Variants in ZNF469 observed in about 807,000 individuals in gnomAD.
The protein encoded by ZNF469 is zinc finger protein 469.
A neutral mutation model predicts 1.0 loss-of-function variants in ZNF469; 1 was observed. The ratio of observed to expected loss-of-function variants is 1.00; its 90% CI spans 0.35 to 4.73. ZNF469 has a LOEUF of 4.73. ZNF469 is among the 30% of genes most tolerant of loss of function. The pLI is 0.16. For synonymous variants in ZNF469, 2,703 were observed against 2,363.4 expected (o/e 1.14, Z -4.17); for missense variants, 6,100 against 5,356.3 (o/e 1.14, Z -4.33).
chr16:88,201,066 C>A, the ZNF469 span, among the ~76,000 whole-genome samples: 2 of 152,204 alleles, frequency 1.3e-5, no homozygotes, highest in Non-Finnish European at 2.9e-5. This position sits in a 1 kb window ranked among gnomAD's most constrained non-coding sequence, Gnocchi z 5.0. Flanking sequence ...CTCTGTGCCC[C>A]GGGGATCCTC....
intron 1 of ZNF469, among the ~76,000 whole-genome samples, chr16:88,407,303 T>C (rs563243638): frequency 6.6e-6 from 1 of 152,240 alleles, no homozygotes; most frequent in Admixed American, 6.5e-5. Flanking sequence ...CGCCAGCACC[T>C]GCGTGCAGCT....
the ZNF469 span, among the ~76,000 whole-genome samples, chr16:88,367,616 C>A: frequency 2.2e-3 from 330 of 152,280 alleles, no homozygotes; most frequent in Non-Finnish European, 3.9e-3. Flanking sequence ...GCGACCATGA[C>A]CACAAAAAGG....
the ZNF469 span, among the ~76,000 whole-genome samples, chr16:88,233,557 A>G: frequency 5.0e-3 from 767 of 152,332 alleles, 3 homozygotes; most frequent in Non-Finnish European, 8.2e-3. Context: ...AAGGCGCCCA[A>G]ATGTATAGCA....
At chr16:88,326,670 G>A in the ZNF469 span, among the ~76,000 whole-genome samples, 1 of 152,120 alleles carries the variant, frequency 6.6e-6, no homozygotes. Flanking sequence ...TGGAGGCCTC[G>A]GGTTTGGGGT....
At chr16:88,367,216 A>C in the ZNF469 span, among the ~76,000 whole-genome samples, 1 of 152,238 alleles carries the variant, frequency 6.6e-6, no homozygotes, top group Non-Finnish European at 1.5e-5. Flanking sequence ...TCTTAGTTTT[A>C]ACAATAGCAA....
At chr16:88,190,500 G>A in the ZNF469 span, among the ~76,000 whole-genome samples, 1 of 152,240 alleles carries the variant, frequency 6.6e-6, no homozygotes, top group Non-Finnish European at 1.5e-5. Context: ...GAAGGAGAGG[G>A]AGAAGAGCAT....
chr16:88,247,175 T>C, the ZNF469 span, among the ~76,000 whole-genome samples: 1 of 149,764 alleles, frequency 6.7e-6, no homozygotes, highest in Non-Finnish European at 1.5e-5. Flanking sequence ...AATGACTGAG[T>C]GAATGAGTGA....
Position 88,424,368 on chromosome 16 carries a change from C to T in ZNF469, c.-191-439C>T, listed in dbSNP as rs1215776122. On this transcript the variant is annotated intron_variant, in intron 1 of 2. Transcript: ENST00000565624. The surrounding 1 kb of genome is among the most constrained non-coding windows in gnomAD (Gnocchi z 4.3). ...GTGTGTTCCTGTGTGCTGGTGTTTG[C>T]ATCCAGGGACTCTGGGAGGAAACAC... 6.6e-6 allele frequency among the ~76,000 whole-genome samples: 1 copy of T among 152,184 alleles called. No homozygotes were observed. Among genetic ancestry groups the T allele is most frequent in the East Asian group, 1.9e-4 (1 of 5,196 alleles).
chr16:88,435,688 C>T lies in ZNF469; in HGVS notation c.8218C>T (p.Leu2740=), dbSNP rs1249743596. The change falls in exon 3 of 3, where the codon CTG becomes TTG. Residue 2740 remains leucine (L), a synonymous_variant. Coordinates refer to ENST00000565624, the MANE Select transcript of ZNF469 (RefSeq NM_001367624.2). ...LCPGRMDGAA[L]GEQPTGQKGA... ...TCCAGGGAGGATGGATGGTGCAGCT[C>T]TGGGGGAACAGCCAACTGGGCAGAA... 3 of 1,550,576 alleles carry T rather than the reference C, an allele frequency of 1.9e-6. No individual in the cohort carries two copies.
the ZNF469 span, among the ~76,000 whole-genome samples, chr16:88,222,680 C>T: frequency 6.6e-6 from 1 of 151,996 alleles, no homozygotes; most frequent in Non-Finnish European, 1.5e-5. Flanking sequence ...TCGCTTGAAC[C>T]TGGGAGGCAG....
chr16:88,130,274 G>C, the ZNF469 span, among the ~76,000 whole-genome samples: 1 of 152,144 alleles, frequency 6.6e-6, no homozygotes, highest in South Asian at 2.1e-4. Flanking sequence ...GAGAGGTCTC[G>C]CTGTATGCTC....
At chr16:88,165,849 G>A in the ZNF469 span, among the ~76,000 whole-genome samples, 255 of 152,172 alleles carry the variant, frequency 1.7e-3, no homozygotes, top group African/African-American at 5.6e-3. Context: ...CAGGAACCTC[G>A]CGTAAGTGGG....
Position 88,431,523 on chromosome 16 carries a change from T to A in ZNF469, c.4053T>A (p.Ser1351Arg), listed in dbSNP as rs1178986336. ...GTGTTCTGTCTTCAAAGATCTCCAGTTTTGGCTGTGACCCTGCTGGTTTTA... is the reference window on the plus strand; with the variant it reads ...GTGTTCTGTCTTCAAAGATCTCCAGATTTGGCTGTGACCCTGCTGGTTTTA... ...KPSVLSSKIS[S>R]FGCDPAGFNR... The change falls in exon 3 of 3, where the codon AGT becomes AGA. Residue 1351 changes from serine (S) to arginine (R), a missense_variant. By Grantham distance (110) the Ser-to-Arg change is moderately radical. Coordinates refer to ENST00000565624, the MANE Select transcript of ZNF469 (RefSeq NM_001367624.2). The A allele has an allele frequency of 6.4e-7, 1 of 1,550,428 alleles. No individual in the cohort carries two copies. Among genetic ancestry groups the A allele is most frequent in the Admixed American group, 2.0e-5 (1 of 51,012 alleles).
Position 88,437,629 on chromosome 16 carries a change from G to T in ZNF469, c.10159G>T (p.Ala3387Ser). The T allele has an allele frequency of 6.5e-7, 1 of 1,541,718 alleles. No homozygotes were observed. The highest frequency in any genetic ancestry group is 8.8e-7 in the Non-Finnish European group (1 of 1,140,712). Residue 3387 changes from alanine (A) to serine (S), a missense_variant, in exon 3 of 3, where the codon GCG (alanine) becomes TCG (serine). By Grantham distance (99) the Ala-to-Ser change is moderately conservative. Transcript: ENST00000565624. ...HGELLAHLGGAHGLLERPELQ... is the reference protein window; with the variant it reads ...HGELLAHLGGSHGLLERPELQ... ...GGAGCTGCTGGCACACCTGGGCGGG[G>T]CGCACGGGCTGCTGGAGCGGCCGGA...
At chr16:88,184,164 A>G in the ZNF469 span, among the ~76,000 whole-genome samples, 1 of 151,922 alleles carries the variant, frequency 6.6e-6, no homozygotes, top group Non-Finnish European at 1.5e-5. Context: ...TCCCAGGGAG[A>G]GCCTCACGTG....
At chr16:88,211,394 G>C in the ZNF469 span, among the ~76,000 whole-genome samples, 1 of 152,250 alleles carries the variant, frequency 6.6e-6, no homozygotes, top group Non-Finnish European at 1.5e-5. Flanking sequence ...ATCCCATGCT[G>C]GGTCACGGAC....
the ZNF469 span, among the ~76,000 whole-genome samples, chr16:88,371,586 G>C: frequency 6.6e-6 from 1 of 152,306 alleles, no homozygotes; most frequent in East Asian, 1.9e-4. Context: ...ATCTCAGCCA[G>C]AAAGTCATGC....
chr16:88,433,553 G>T lies in ZNF469; in HGVS notation c.6083G>T (p.Gly2028Val). 6.5e-7 allele frequency: 1 copy of T among 1,550,288 alleles called. No homozygotes were observed. The highest frequency in any genetic ancestry group is 8.7e-7 in the Non-Finnish European group (1 of 1,146,922). The part of the protein sequence containing the change: ...VNASPKTALT[G>V]PTEGAVLLEK... ...GCCAGTCCCAAAACAGCGCTGACCGGCCCCACCGAGGGTGCAGTCCTGCTA... is the reference window on the plus strand; with the variant it reads ...GCCAGTCCCAAAACAGCGCTGACCGTCCCCACCGAGGGTGCAGTCCTGCTA... Residue 2028 changes from glycine to valine, a missense_variant, in exon 3 of 3, where the codon GGC becomes GTC. By Grantham distance (109) the Gly-to-Val change is moderately radical (BLOSUM62 -3). Coordinates refer to ENST00000565624, the MANE Select transcript of ZNF469 (RefSeq NM_001367624.2).
chr16:88,237,181 CTCACCCTCCCT>C, the ZNF469 span, among the ~76,000 whole-genome samples: 12 of 67,974 alleles, frequency 1.8e-4, 2 homozygotes, highest in African/African-American at 5.9e-4. Flanking sequence ...GCTCCTGCCA[CTCACCCTCCCT>C]GCCCTCTGTG....
Sources: allele counts gnomAD v4.1 joint callset (sites outside exome capture counted in the v4.1 genomes callset), GRCh38; gene constraint gnomAD v4.1.1; non-coding constraint Gnocchi (gnomAD v3.1); transcripts MANE v1.5; gene names NCBI Gene and HGNC (gene_info 2026-07-23, HGNC 2026-07-21).